UBA6: variants seen among roughly 807,000 people sequenced by gnomAD.
UBA6 encodes the protein ubiquitin like modifier activating enzyme 6.
UBA6 carries 87 observed loss-of-function variants against 148.3 expected under a neutral mutation model. The observed-to-expected ratio is 0.59, with a 90% CI of 0.49 to 0.70. UBA6 has a LOEUF of 0.70. Among genes scored for constraint, UBA6 ranks in the 30% least tolerant of loss-of-function variants. The pLI, the probability that UBA6 is intolerant of heterozygous loss-of-function variation, is 0.00. For missense variants in UBA6, 1,186 were observed against 1,241.2 expected, an observed-to-expected ratio of 0.96 and a Z score of 0.67; for synonymous variants, 376 against 401.0, an observed-to-expected ratio of 0.94 and a Z score of 0.75.
At chr4:67,629,325 G>C (rs528120256) in intron 26 of UBA6, among the ~76,000 whole-genome samples, 183 bp from the exon 27 acceptor site, 4 of 151,804 alleles carry the variant, frequency 2.6e-5, no homozygotes, top group African/African-American at 9.6e-5. Flanking sequence ...AAAGGTTATG[G>C]GGGAGGAGAA....
At position 67,625,025 on chromosome 4, in the gene UBA6, A is replaced by T. The variant is rs1455524394; in HGVS notation, c.2681T>A (p.Ile894Lys). Reference sequence around the variant, plus strand: ...AGAAACTGTAGCAGTGGTTGTTGCTATAGCAGGTATAATTTTACCAGCTAT... The same window carrying T: ...AGAAACTGTAGCAGTGGTTGTTGCTTTAGCAGGTATAATTTTACCAGCTAT... ...KRIAGKIIPAIATTTATVSGL... is the reference protein window; with the variant it reads ...KRIAGKIIPAKATTTATVSGL... Residue 894 changes from isoleucine to lysine, a missense_variant, in exon 29 of 33, where the codon ATA becomes AAA. Physicochemically the swap from Ile to Lys is moderately radical, Grantham distance 102. Transcript: ENST00000322244. 3.1e-6 allele frequency: 5 copies of T among 1,611,010 alleles called. No individual in the cohort carries two copies. Among genetic ancestry groups the T allele is most frequent in the Non-Finnish European group, 4.2e-6 (5 of 1,177,866 alleles).
intron 14 of UBA6, among the ~76,000 whole-genome samples, chr4:67,648,532 C>G (rs1345448886): frequency 1.3e-5 from 2 of 150,478 alleles, no homozygotes; most frequent in Admixed American, 6.6e-5. Context: ...GGTGTTTCAA[C>G]AGAGAGAGGG....
intron 8 of UBA6, among the ~76,000 whole-genome samples, chr4:67,670,167 C>T (rs887504351): frequency 3.3e-5 from 5 of 152,272 alleles, no homozygotes; most frequent in Admixed American, 3.3e-4. Context: ...TGGTCTCAAA[C>T]TCCTGAGCTA....
chr4:67,681,410 T>C (rs1264321273), intron 4 of UBA6, among the ~76,000 whole-genome samples, 153 bp downstream of exon 4: 2 of 150,640 alleles, frequency 1.3e-5, no homozygotes, highest in Non-Finnish European at 3.0e-5. Flanking sequence ...TACACAATTC[T>C]TTCTTTGTAT....
chr4:67,622,179 C>CA (rs1431900981), intron 32 of UBA6, among the ~76,000 whole-genome samples: 1 of 151,356 alleles, frequency 6.6e-6, no homozygotes, highest in African/African-American at 2.5e-5. Flanking sequence ...TAGAGTCTTG[C>CA]AGACCACGAT....
chr4:67,665,422 T>A lies in UBA6; in HGVS notation c.794-130A>T, dbSNP rs530865588. On this transcript the variant is annotated intron_variant, in intron 9 of 32. Coordinates refer to ENST00000322244, the MANE Select transcript of UBA6 (RefSeq NM_018227.6). ...AGAATTCCAGCATAGTGTTTTTTTT[T>A]GTTTGTTTGTTTTTTTTTTTTTTTA... The A allele has an allele frequency of 8.5e-4, 425 of 497,930 alleles. No homozygotes were observed. In the African/African-American group the frequency reaches 9.8e-3, roughly 12 times the overall value. The allele number at this position is 497,930 out of a possible 1,614,324, so 30.8% of individuals were successfully genotyped here.
intron 6 of UBA6, among the ~76,000 whole-genome samples, chr4:67,675,604 G>A (rs1730260566): frequency 6.6e-6 from 1 of 152,026 alleles, no homozygotes; most frequent in Non-Finnish European, 1.5e-5. Context: ...GGTGGCACGT[G>A]CCTGTGATCC....
intron 2 of UBA6, among the ~76,000 whole-genome samples, chr4:67,690,305 A>G (rs1220423314): frequency 6.6e-6 from 1 of 152,148 alleles, no homozygotes; most frequent in Admixed American, 6.5e-5. Flanking sequence ...TAATCAAATC[A>G]AAATGAATCA....
intron 17 of UBA6, among the ~76,000 whole-genome samples, chr4:67,643,303 G>T (rs1260400930): frequency 6.6e-6 from 1 of 151,882 alleles, no homozygotes; most frequent in Non-Finnish European, 1.5e-5. Flanking sequence ...GCTGATTCTT[G>T]TGGTGGTTCC....
intron 32 of UBA6, among the ~76,000 whole-genome samples, chr4:67,622,444 C>G (rs1728772283): frequency 6.6e-6 from 1 of 152,192 alleles, no homozygotes; most frequent in Non-Finnish European, 1.5e-5. Flanking sequence ...GGTTTGCTAA[C>G]TGCTATCTCC....
At chr4:67,676,333 A>G (rs936186901) in intron 6 of UBA6, among the ~76,000 whole-genome samples, 4 of 152,130 alleles carry the variant, frequency 2.6e-5, no homozygotes, top group African/African-American at 7.2e-5. Flanking sequence ...CTATAGTACT[A>G]CTTTTTACAT....
intron 2 of UBA6, among the ~76,000 whole-genome samples, chr4:67,692,658 A>G (rs1028190128): frequency 3.9e-5 from 6 of 152,206 alleles, no homozygotes; most frequent in Admixed American, 3.9e-4. Context: ...ACACCTGGCC[A>G]CCCAGAACCC....
At position 67,616,446 on chromosome 4, in the gene UBA6, T is replaced by A. The variant is rs886926551; in HGVS notation, c.*2551A>T. 4.0e-6 allele frequency: 1 copy of A among 251,566 alleles called. No homozygotes were observed. Among genetic ancestry groups the A allele is most frequent in the Non-Finnish European group, 7.5e-6 (1 of 133,598 alleles). 15.6% of individuals were successfully genotyped at this position (251,566 alleles called of 1,614,324 possible). ...CATAGTAGATTAAAAAATAAAGATA[T>A]ACATTTATTTCCATGTCCTACCTTT... On this transcript the variant is annotated 3_prime_UTR_variant, in exon 33 of 33. Coordinates refer to ENST00000322244, the MANE Select transcript of UBA6 (RefSeq NM_018227.6).
At position 67,657,606 on chromosome 4, in the gene UBA6, A is replaced by G. The variant is rs1161355154; in HGVS notation, c.1104+4583T>C. Reference sequence around the variant, plus strand: ...AAACCTAGGCAATACCATTCAGAACATAGGCATGGAGGAAGACTTCATGAC... The same window carrying G: ...AAACCTAGGCAATACCATTCAGAACGTAGGCATGGAGGAAGACTTCATGAC... On this transcript the variant is annotated intron_variant, in intron 13 of 32. Transcript: ENST00000322244. Among the ~76,000 whole-genome samples, 3 of 152,174 alleles carry G rather than the reference A, an allele frequency of 2.0e-5. No individual in the cohort carries two copies. In the East Asian group the frequency reaches 5.8e-4, roughly 29 times the overall value.
At chr4:67,682,318 A>T in intron 2 of UBA6, 105 bp from the exon 3 acceptor site, 1 of 771,114 alleles carries the variant, frequency 1.3e-6, no homozygotes, top group African/African-American at 1.8e-5. Context: ...TCCGGCCCAC[A>T]GACTTGTTAT....
intron 13 of UBA6, among the ~76,000 whole-genome samples, chr4:67,655,917 G>A (rs2109926553): frequency 6.6e-6 from 1 of 152,300 alleles, no homozygotes; most frequent in African/African-American, 2.4e-5. Flanking sequence ...GCCCCTCTAT[G>A]CAAATAAACT....
intron 13 of UBA6, among the ~76,000 whole-genome samples, chr4:67,656,667 G>T (rs2109927301): frequency 6.6e-6 from 1 of 152,308 alleles, no homozygotes; most frequent in East Asian, 1.9e-4. Context: ...CATAGTCTTG[G>T]AAGTTCTCGC....
At chr4:67,645,422 A>G (rs1032357156) in intron 16 of UBA6, among the ~76,000 whole-genome samples, 15 of 152,090 alleles carry the variant, frequency 9.9e-5, no homozygotes, top group African/African-American at 3.4e-4. Context: ...AATATGGTGA[A>G]ACTCCGTCTC....
At chr4:67,672,654 T>A (rs561833619) in intron 7 of UBA6, among the ~76,000 whole-genome samples, 15 of 152,286 alleles carry the variant, frequency 9.8e-5, no homozygotes, top group African/African-American at 3.6e-4. Flanking sequence ...ATTCCTACTA[T>A]CCTCTCCTCT....
Sources: allele counts gnomAD v4.1 joint callset (sites outside exome capture counted in the v4.1 genomes callset), GRCh38; gene constraint gnomAD v4.1.1; transcripts MANE v1.5; gene names NCBI Gene and HGNC (gene_info 2026-07-23, HGNC 2026-07-21).